Variants in BRAF observed in about 807,000 individuals in gnomAD.
BRAF encodes B-Raf proto-oncogene, serine/threonine kinase, also known as serine/threonine-protein kinase B-raf.
Under a neutral mutation model 104.6 loss-of-function variants are expected in BRAF, and 16 were observed. That is an observed-to-expected ratio of 0.15 (90% CI 0.10 to 0.23). The LOEUF (loss-of-function observed/expected upper bound fraction) is 0.23. BRAF is among the 10% of genes least tolerant of loss of function. The probability of loss-of-function intolerance (pLI) is 1.00; values close to 1 mark genes in which losing one functional copy is unlikely to be tolerated. For missense variants in BRAF, 541 were observed against 937.3 expected (o/e 0.58, Z 5.52); for synonymous variants, 310 against 341.6 (o/e 0.91, Z 1.02).
downstream of BRAF, among the ~76,000 whole-genome samples, chr7:140,719,129 CT>C (rs772618466): frequency 3.9e-5 from 6 of 152,212 alleles, no homozygotes; most frequent in Non-Finnish European, 7.3e-5. Context: ...ACTGTTGCCA[CT>C]GCAAGTTGTA....
At chr7:140,851,214 A>G (rs1269987030) in intron 1 of BRAF, among the ~76,000 whole-genome samples, 1 of 152,218 alleles carries the variant, frequency 6.6e-6, no homozygotes, top group East Asian at 1.9e-4. Flanking sequence ...TCTTAATAAA[A>G]AAGAAAAACA....
At chr7:140,909,339 C>G (rs897615118) in intron 1 of BRAF, among the ~76,000 whole-genome samples, 1 of 152,114 alleles carries the variant, frequency 6.6e-6, no homozygotes, top group Non-Finnish European at 1.5e-5. Flanking sequence ...GCAGGAGAAT[C>G]GCTTGAACCC....
chr7:140,898,460 T>C (rs1372409434), intron 1 of BRAF, among the ~76,000 whole-genome samples: 1 of 152,184 alleles, frequency 6.6e-6, no homozygotes, highest in African/African-American at 2.4e-5. Flanking sequence ...AAATGGCATG[T>C]CTATAAACAA....
chr7:140,891,816 G>A (rs1586564806), intron 1 of BRAF, among the ~76,000 whole-genome samples: 1 of 152,106 alleles, frequency 6.6e-6, no homozygotes, highest in East Asian at 1.9e-4. Context: ...AGGACAAAGG[G>A]CCAGAAACAA....
intron 19 of BRAF, chr7:140,726,599 C>T: frequency 4.2e-6 from 5 of 1,198,656 alleles, no homozygotes; most frequent in South Asian, 2.7e-5. Context: ...TTGAGCTTCA[C>T]TGAAAAGTAA....
chr7:140,902,079 T>G (rs1014800497), intron 1 of BRAF, among the ~76,000 whole-genome samples: 3 of 152,258 alleles, frequency 2.0e-5, no homozygotes, highest in Admixed American at 6.5e-5. Flanking sequence ...TAGCGGATAA[T>G]GGTTTTTGTT....
At chr7:140,831,657 G>A (rs1806765559) in intron 3 of BRAF, among the ~76,000 whole-genome samples, 1 of 152,140 alleles carries the variant, frequency 6.6e-6, no homozygotes, top group Non-Finnish European at 1.5e-5. Flanking sequence ...TCAGGACTCA[G>A]CAACCCATTA....
chr7:140,838,759 G>C lies in BRAF; in HGVS notation c.241-3887C>G, dbSNP rs183725226. 3.3e-4 allele frequency among the ~76,000 whole-genome samples: 51 copies of C among 152,244 alleles called. No homozygotes were observed. In the East Asian group the frequency reaches 9.8e-3, roughly 29 times the overall value. ...AGACAGCGCAATAATTTTGGAATAAGAACACACATATAGAACAGAATAGAA... is the reference window on the plus strand; with the variant it reads ...AGACAGCGCAATAATTTTGGAATAACAACACACATATAGAACAGAATAGAA... On this transcript the variant is annotated intron_variant, in intron 2 of 19. Coordinates refer to ENST00000644969, the MANE Select transcript of BRAF (RefSeq NM_001374258.1).
chr7:140,921,653 G>A (rs890265814), intron 1 of BRAF, among the ~76,000 whole-genome samples: 6 of 151,904 alleles, frequency 3.9e-5, no homozygotes, highest in Admixed American at 3.3e-4. Context: ...ACACCAAAAT[G>A]TCTATAGTAA....
chr7:140,856,286 G>T (rs1158342590), intron 1 of BRAF, among the ~76,000 whole-genome samples: 1 of 151,638 alleles, frequency 6.6e-6, no homozygotes, highest in East Asian at 1.9e-4. Flanking sequence ...GGAAGGGAGA[G>T]ACAGAAGTGG....
chr7:140,916,215 T>A (rs1461584192), intron 1 of BRAF, among the ~76,000 whole-genome samples: 1 of 152,192 alleles, frequency 6.6e-6, no homozygotes, highest in Non-Finnish European at 1.5e-5. Flanking sequence ...ATGAGAAACA[T>A]CATTTTACAC....
the BRAF span, among the ~76,000 whole-genome samples, chr7:140,713,640 G>A: frequency 2.4e-4 from 36 of 152,260 alleles, no homozygotes; most frequent in South Asian, 4.4e-3. Flanking sequence ...GCTTTCTTCC[G>A]TTGCTGGTGA....
intron 1 of BRAF, among the ~76,000 whole-genome samples, chr7:140,854,819 C>T (rs1586418336): frequency 2.0e-5 from 3 of 152,054 alleles, no homozygotes; most frequent in African/African-American, 7.2e-5. Context: ...GTGGCGTGTG[C>T]CTGTAATCCC....
intron 1 of BRAF, among the ~76,000 whole-genome samples, chr7:140,869,995 G>C (rs986001282): frequency 6.6e-6 from 1 of 152,092 alleles, no homozygotes; most frequent in Non-Finnish European, 1.5e-5. Context: ...AAGAAAGAAA[G>C]ACGATAAAAG....
In BRAF at chr7:140,723,448, CAG is replaced by C. The variant is rs1795422952; in HGVS notation, c.*3044_*3045del. On this transcript the variant is annotated 3_prime_UTR_variant, in exon 20 of 20. Transcript: ENST00000644969. ...TGCCCTACTAGATCTCAAATACAATCAGGGGTGAGATATTCGGGAACCAGAAT... is the reference window on the plus strand; with the variant it reads ...TGCCCTACTAGATCTCAAATACAATCGGGTGAGATATTCGGGAACCAGAAT... The C allele has an allele frequency of 9.5e-7, 1 of 1,054,626 alleles. No homozygotes were observed. The highest frequency in any genetic ancestry group is 1.1e-6 in the Non-Finnish European group (1 of 872,868). The allele number at this position is 1,054,626 out of a possible 1,614,324, so 65.3% of individuals were successfully genotyped here.
intron 16 of BRAF, 101 bp from the exon 16 acceptor site, chr7:140,749,519 A>G: frequency 1.6e-6 from 2 of 1,265,120 alleles, no homozygotes; most frequent in Non-Finnish European, 2.3e-6. Flanking sequence ...CCATTAAAAC[A>G]CCTGTCTAAT....
intron 18 of BRAF, among the ~76,000 whole-genome samples, chr7:140,736,630 T>G (rs1339303926): frequency 6.6e-6 from 1 of 151,584 alleles, no homozygotes; most frequent in East Asian, 2.0e-4. Context: ...TTTCTCCATG[T>G]TGGTCAGGCT....
At chr7:140,808,197 G>T in intron 4 of BRAF, 135 bp from the exon 5 acceptor site, 3 of 715,676 alleles carry the variant, frequency 4.2e-6, no homozygotes, top group East Asian at 2.7e-5. Flanking sequence ...ATATTCCATC[G>T]TTAGAAATTT....
At position 140,888,484 on chromosome 7, in the gene BRAF, A is replaced by C. The variant is rs142614945; in HGVS notation, c.138+36082T>G. On this transcript the variant is annotated intron_variant, in intron 1 of 19. Transcript: ENST00000644969. ...TATTGCTGCTAGAGGGGAAAAAATC[A>C]AAGTTAACACTTTCCCTACTCTACT... is the stretch of plus-strand genomic sequence containing the variant. Among the ~76,000 whole-genome samples, 200 of 152,232 alleles carry C rather than the reference A, an allele frequency of 1.3e-3. 1 individual carries two copies. Among genetic ancestry groups the C allele is most frequent in the Non-Finnish European group, 2.3e-3 (155 of 68,004 alleles).
Sources: allele counts gnomAD v4.1 joint callset (sites outside exome capture counted in the v4.1 genomes callset), GRCh38; gene constraint gnomAD v4.1.1; transcripts MANE v1.5; gene names NCBI Gene and HGNC (gene_info 2026-07-23, HGNC 2026-07-21).